Variants in SLC9A9 observed in about 807,000 individuals in gnomAD.
The protein encoded by SLC9A9 is solute carrier family 9 member A9, also known as sodium/hydrogen exchanger 9.
SLC9A9 carries 62 observed loss-of-function variants against 77.8 expected under a neutral mutation model. The observed-to-expected ratio is 0.80, with a 90% confidence interval of 0.65 to 0.98. The LOEUF is 0.98. SLC9A9 is among the 50% of genes least tolerant of loss of function. The pLI is 0.00. For synonymous variants in SLC9A9, 320 were observed against 283.5 expected, an observed-to-expected ratio of 1.13 and a Z score of -1.29; for missense variants, 775 against 774.9, an observed-to-expected ratio of 1.00 and a Z score of 0.00.
At chr3:143,354,740 T>G (rs2032544954) in intron 14 of SLC9A9, among the ~76,000 whole-genome samples, 1 of 152,242 alleles carries the variant, frequency 6.6e-6, no homozygotes, top group African/African-American at 2.4e-5. Flanking sequence ...AATACATATG[T>G]TTTTGTAAGT....
At chr3:143,627,093 G>C (rs1245528027) in intron 6 of SLC9A9, 1 of 152,212 alleles carries the variant, frequency 6.6e-6, no homozygotes, top group Admixed American at 6.6e-5. Context: ...GGCTGGTCTT[G>C]AACTCCTGAC....
chr3:143,767,603 T>G (rs545144522), intron 4 of SLC9A9, among the ~76,000 whole-genome samples: 3 of 152,278 alleles, frequency 2.0e-5, no homozygotes, highest in African/African-American at 7.2e-5. Flanking sequence ...TTCTATTATT[T>G]TGTGGTAAGG....
At chr3:143,385,214 A>C (rs574130173) in intron 12 of SLC9A9, among the ~76,000 whole-genome samples, 28 of 152,030 alleles carry the variant, frequency 1.8e-4, no homozygotes, top group African/African-American at 6.5e-4. Flanking sequence ...CAATATGTTG[A>C]CATATTGTCC....
chr3:143,335,950 C>T (rs558666731), intron 14 of SLC9A9, among the ~76,000 whole-genome samples: 1 of 152,198 alleles, frequency 6.6e-6, no homozygotes, highest in African/African-American at 2.4e-5. Flanking sequence ...TTCTGCACAT[C>T]AAATGAAACA....
intron 14 of SLC9A9, among the ~76,000 whole-genome samples, chr3:143,317,398 C>G (rs1468400144): frequency 2.0e-5 from 3 of 152,178 alleles, no homozygotes; most frequent in Admixed American, 2.0e-4. Flanking sequence ...TGCCTCATTG[C>G]CCCTCACTTT....
intron 12 of SLC9A9, among the ~76,000 whole-genome samples, chr3:143,405,522 T>C (rs2033959025): frequency 1.3e-5 from 2 of 152,208 alleles, no homozygotes. Context: ...CACCTCTGTC[T>C]ATGAGTAGAA....
rs551666518 is a variant in SLC9A9, at chr3:143,760,350, A to T, written c.533+34651T>A. ...AGTGTTGGAAGTTCTGGCCAGGGCA[A>T]TCAGGTAGGAGAAAGAAATAAAGGG... On this transcript the variant is annotated intron_variant, in intron 4 of 15. Coordinates refer to ENST00000316549, the MANE Select transcript of SLC9A9 (RefSeq NM_173653.4). Among the ~76,000 whole-genome samples, 14 of 152,298 alleles carry T rather than the reference A, an allele frequency of 9.2e-5. No individual in the cohort carries two copies. The East Asian group carries it at 2.5e-3, about 27-fold the overall frequency.
At chr3:143,382,687 T>C (rs2033335190) in intron 12 of SLC9A9, among the ~76,000 whole-genome samples, 1 of 152,126 alleles carries the variant, frequency 6.6e-6, no homozygotes, top group Admixed American at 6.5e-5. Context: ...AAGGATAAGT[T>C]ACAAAAAAAA....
At chr3:143,611,819 G>A (rs977671317) in intron 6 of SLC9A9, among the ~76,000 whole-genome samples, 2 of 152,030 alleles carry the variant, frequency 1.3e-5, no homozygotes, top group East Asian at 1.9e-4. Context: ...CTCCAGTCCC[G>A]ACCTCCTGGG....
chr3:143,627,726 T>C (rs938002440), intron 6 of SLC9A9: 2 of 154,428 alleles, frequency 1.3e-5, no homozygotes, highest in Admixed American at 1.3e-4. Context: ...CCCAGGCCCC[T>C]CCCGCTCCTT....
At chr3:143,575,790 G>C (rs1442354183) in intron 7 of SLC9A9, among the ~76,000 whole-genome samples, 1 of 152,110 alleles carries the variant, frequency 6.6e-6, no homozygotes, top group Non-Finnish European at 1.5e-5. Flanking sequence ...TTCAGCTCTG[G>C]GTCTGCAGAG....
chr3:143,809,766 A>C lies in SLC9A9; in HGVS notation c.379-12863T>G, dbSNP rs549033826. Among the ~76,000 whole-genome samples the C allele has an allele frequency of 3.9e-5, 6 of 152,306 alleles. No individual in the cohort carries two copies. In the East Asian group the frequency reaches 9.6e-4, roughly 24 times the overall value. On this transcript the variant is annotated intron_variant, in intron 2 of 15. Transcript: ENST00000316549. ...CTAATAGAACTTTTTGTGATGGTGGAAATGTTCTTTCCTTGTACTATACAA... is the reference window on the plus strand; with the variant it reads ...CTAATAGAACTTTTTGTGATGGTGGCAATGTTCTTTCCTTGTACTATACAA...
chr3:143,475,307 T>C (rs2035456054), intron 11 of SLC9A9, among the ~76,000 whole-genome samples: 1 of 151,956 alleles, frequency 6.6e-6, no homozygotes, highest in Non-Finnish European at 1.5e-5. Context: ...GAAATGATCT[T>C]GTTTATATTC....
intron 4 of SLC9A9, among the ~76,000 whole-genome samples, chr3:143,700,866 G>A (rs1377883429): frequency 2.0e-5 from 3 of 152,232 alleles, no homozygotes; most frequent in Non-Finnish European, 2.9e-5. Context: ...GTGCTGTGCT[G>A]GCTTCAGGTC....
intron 2 of SLC9A9, among the ~76,000 whole-genome samples, chr3:143,822,552 G>A (rs1184748762): frequency 6.6e-6 from 1 of 152,152 alleles, no homozygotes; most frequent in Non-Finnish European, 1.5e-5. Context: ...CTCCCCTCCT[G>A]TGCCCAGCTG....
At chr3:143,455,388 G>T (rs2035073178) in intron 12 of SLC9A9, among the ~76,000 whole-genome samples, 1 of 152,044 alleles carries the variant, frequency 6.6e-6, no homozygotes, top group Non-Finnish European at 1.5e-5. Context: ...AATCGTTTTA[G>T]CTATTCTAGT....
chr3:143,808,904 G>T (rs750569347), intron 2 of SLC9A9, among the ~76,000 whole-genome samples: 2 of 152,032 alleles, frequency 1.3e-5, no homozygotes, highest in Non-Finnish European at 2.9e-5. Context: ...ATATTTGAAC[G>T]AATATTTTCA....
intron 9 of SLC9A9, among the ~76,000 whole-genome samples, chr3:143,531,778 A>G (rs1037662485): frequency 1.3e-5 from 2 of 152,250 alleles, no homozygotes; most frequent in Non-Finnish European, 2.9e-5. Context: ...AAAAGTAAAC[A>G]GAAATAAACT....
chr3:143,425,032 G>A (rs1357784006), intron 12 of SLC9A9, among the ~76,000 whole-genome samples: 1 of 152,136 alleles, frequency 6.6e-6, no homozygotes, highest in African/African-American at 2.4e-5. Flanking sequence ...GATTCTATGT[G>A]ATCCATTTTC....
Sources: allele counts gnomAD v4.1 joint callset (sites outside exome capture counted in the v4.1 genomes callset), GRCh38; gene constraint gnomAD v4.1.1; transcripts MANE v1.5; gene names NCBI Gene and HGNC (gene_info 2026-07-23, HGNC 2026-07-21).